Variants in CDYL observed in about 807,000 individuals in gnomAD.
CDYL encodes chromodomain Y like.
In CDYL, 8 loss-of-function variants were observed where a neutral mutation model predicts 47.3. The observed-to-expected ratio is 0.17, with a 90% CI of 0.10 to 0.31. The LOEUF (loss-of-function observed/expected upper bound fraction) is 0.31, where lower values mean the gene tolerates loss of function less well. Ranked by LOEUF, CDYL falls within the 10% of genes least tolerant of loss-of-function variation. CDYL has a pLI of 1.00. For missense variants in CDYL, 471 were observed against 701.4 expected, an observed-to-expected ratio of 0.67 and a Z score of 3.71; for synonymous variants, 266 against 265.0, an observed-to-expected ratio of 1.00 and a Z score of -0.04.
chr6:4,814,076 G>A (rs940037542), intron 1 of CDYL, among the ~76,000 whole-genome samples: 10 of 151,976 alleles, frequency 6.6e-5, no homozygotes, highest in Non-Finnish European at 1.3e-4. Flanking sequence ...ACTGCACCTG[G>A]CCAAGTATTT....
intron 1 of CDYL, among the ~76,000 whole-genome samples, chr6:4,868,618 T>C (rs1361451444): frequency 6.6e-6 from 1 of 152,152 alleles, no homozygotes; most frequent in Non-Finnish European, 1.5e-5. Context: ...GGAAGGACCA[T>C]TGTTGGATGG....
chr6:4,886,509 C>T (rs1477809123), intron 1 of CDYL, among the ~76,000 whole-genome samples: 1 of 152,180 alleles, frequency 6.6e-6, no homozygotes. Flanking sequence ...CTTTACTGGT[C>T]ATTTGTGTAT....
chr6:4,715,724 T>C, intron 1 of CDYL: 1 of 1,607,728 alleles, frequency 6.2e-7, no homozygotes, highest in Non-Finnish European at 8.5e-7. Flanking sequence ...TTCCTCTTGT[T>C]GGGATTGTAA....
intron 2 of CDYL, among the ~76,000 whole-genome samples, chr6:4,931,376 A>G (rs192414669): frequency 5.0e-4 from 76 of 152,358 alleles, no homozygotes; most frequent in Non-Finnish European, 8.7e-4. Flanking sequence ...GGGAGGCCCA[A>G]GAAGGCTTGT....
At chr6:4,739,388 A>G (rs969580997) in intron 3 of CDYL, among the ~76,000 whole-genome samples, 9 of 149,932 alleles carry the variant, frequency 6.0e-5, no homozygotes, top group Non-Finnish European at 1.0e-4. Flanking sequence ...GCATGGTGGC[A>G]GGCACCTGTA....
chr6:4,786,073 C>T (rs962908106), intron 1 of CDYL, among the ~76,000 whole-genome samples: 1 of 152,164 alleles, frequency 6.6e-6, no homozygotes, highest in African/African-American at 2.4e-5. Context: ...TTATGGTAAA[C>T]TTAAACATAA....
chr6:4,799,515 G>C (rs1313325009), intron 1 of CDYL, among the ~76,000 whole-genome samples: 2 of 151,888 alleles, frequency 1.3e-5, no homozygotes, highest in African/African-American at 2.4e-5. Flanking sequence ...GCGTGATCAT[G>C]GCTCAGCATA....
intron 2 of CDYL, among the ~76,000 whole-genome samples, chr6:4,914,389 T>C (rs921514201): frequency 2.6e-5 from 4 of 152,142 alleles, no homozygotes; most frequent in Non-Finnish European, 4.4e-5. Context: ...CACTTTCTCA[T>C]TAGCGAACTG....
chr6:4,723,551 A>C (rs192600699), intron 2 of CDYL, among the ~76,000 whole-genome samples: 21 of 152,260 alleles, frequency 1.4e-4, no homozygotes, highest in Admixed American at 5.2e-4. Context: ...AAGGCAGAGG[A>C]GGCTGTCCAA....
At chr6:4,730,458 C>T (rs145107591) in intron 2 of CDYL, among the ~76,000 whole-genome samples, 1,527 of 152,116 alleles carry the variant, frequency 0.01, 26 homozygotes, top group African/African-American at 0.035. Context: ...GAGCAGATCA[C>T]AAGGTCAGGA....
chr6:4,837,149 A>G (rs1334265387), intron 1 of CDYL, among the ~76,000 whole-genome samples: 1 of 152,224 alleles, frequency 6.6e-6, no homozygotes, highest in African/African-American at 2.4e-5. Flanking sequence ...TGGGTATTAC[A>G]TGTTCAGGGA....
At chr6:4,950,625 A>G (rs1758668929) in intron 5 of CDYL, among the ~76,000 whole-genome samples, 1 of 152,170 alleles carries the variant, frequency 6.6e-6, no homozygotes, top group South Asian at 2.1e-4. Flanking sequence ...AGGGGTTTCT[A>G]GAACTTCTCC....
chr6:4,734,710 G>A (rs1757671092), intron 2 of CDYL: 1 of 1,605,880 alleles, frequency 6.2e-7, no homozygotes, highest in Non-Finnish European at 8.5e-7. Context: ...ATGGGGATGG[G>A]GAAGAGGATG....
chr6:4,794,981 C>A (rs1759029507), intron 1 of CDYL, among the ~76,000 whole-genome samples: 1 of 150,672 alleles, frequency 6.6e-6, no homozygotes, highest in Non-Finnish European at 1.5e-5. Context: ...TCTTTTCGAA[C>A]TCCTGCAGTA....
At chr6:4,945,734 C>G (rs901556785) in intron 5 of CDYL, among the ~76,000 whole-genome samples, 1 of 152,236 alleles carries the variant, frequency 6.6e-6, no homozygotes, top group Non-Finnish European at 1.5e-5. Flanking sequence ...AAACTGGCAC[C>G]TCTCAGGCCG....
At chr6:4,748,096 C>T (rs1757929513) in intron 3 of CDYL, among the ~76,000 whole-genome samples, 1 of 152,204 alleles carries the variant, frequency 6.6e-6, no homozygotes, top group Non-Finnish European at 1.5e-5. Flanking sequence ...CACCAAGTCA[C>T]ACTGGGAGGT....
At chr6:4,808,768 A>G (rs1346141521) in intron 1 of CDYL, among the ~76,000 whole-genome samples, 4 of 152,158 alleles carry the variant, frequency 2.6e-5, no homozygotes, top group Admixed American at 2.6e-4. Flanking sequence ...TTTTGTCTTT[A>G]GCTTTATGGT....
intron 5 of CDYL, among the ~76,000 whole-genome samples, chr6:4,950,092 G>A (rs1758651158): frequency 6.6e-6 from 1 of 152,152 alleles, no homozygotes; most frequent in Non-Finnish European, 1.5e-5. Context: ...GCTGGTATCA[G>A]GCCCAAGAGA....
At position 4,832,302 on chromosome 6, in the gene CDYL, T is replaced by TCAAAGG. The variant is rs1760169903; in HGVS notation, c.24+55497_24+55502dup. 2.0e-5 allele frequency among the ~76,000 whole-genome samples: 3 copies of TCAAAGG among 152,114 alleles called. No homozygotes were observed. The South Asian group carries it at 6.2e-4, about 31-fold the overall frequency. On this transcript the variant is annotated intron_variant, in intron 1 of 6. Transcript: ENST00000397588. ...TAGCATGAAGCATTGTTGAGTTTTG[T>TCAAAGG]CAAAGGCCTTTTCTGCATCTATTGA...
Sources: allele counts gnomAD v4.1 joint callset (sites outside exome capture counted in the v4.1 genomes callset), GRCh38; gene constraint gnomAD v4.1.1; transcripts MANE v1.5; gene names NCBI Gene and HGNC (gene_info 2026-07-23, HGNC 2026-07-21).